The following CCDC141 variants were observed in gnomAD, a reference collection of about 807,000 sequenced individuals.
The protein encoded by CCDC141 is coiled-coil domain-containing protein 141.
A neutral mutation model predicts 181.0 loss-of-function variants in CCDC141; 168 were observed. The observed-to-expected ratio is 0.93, with a 90% CI of 0.82 to 1.05. The LOEUF (loss-of-function observed/expected upper bound fraction) is 1.05. Among genes scored for constraint, CCDC141 ranks in the 50% least tolerant of loss-of-function variants. The probability of loss-of-function intolerance (pLI) is 0.00; values close to 1 mark genes in which losing one functional copy is unlikely to be tolerated. For synonymous variants in CCDC141, 666 were observed against 642.3 expected (o/e 1.04, Z -0.56); for missense variants, 1,902 against 1,788.5 (o/e 1.06, Z -1.14).
chr2:179,045,635 A>G (rs200791732), intron 2 of CCDC141, among the ~76,000 whole-genome samples: 1 of 151,578 alleles, frequency 6.6e-6, no homozygotes, highest in Non-Finnish European at 1.5e-5. Flanking sequence ...CCAACAGTGT[A>G]AAAGTGTTCC....
intron 2 of CCDC141, among the ~76,000 whole-genome samples, chr2:179,032,107 T>C (rs2043016000): frequency 6.6e-6 from 1 of 152,140 alleles, no homozygotes; most frequent in Non-Finnish European, 1.5e-5. Flanking sequence ...GCCTGAAATT[T>C]GTACCCTGGA....
intron 5 of CCDC141, among the ~76,000 whole-genome samples, chr2:178,948,171 A>G (rs532691821): frequency 1.3e-5 from 2 of 152,184 alleles, no homozygotes; most frequent in East Asian, 3.9e-4. Flanking sequence ...ACTGCACTCC[A>G]GCTTGGGCAA....
chr2:178,851,992 C>T (rs759750660), intron 20 of CCDC141, among the ~76,000 whole-genome samples: 7 of 152,178 alleles, frequency 4.6e-5, no homozygotes, highest in African/African-American at 1.4e-4. Context: ...ACCAAACAGA[C>T]GGAGACTCAT....
chr2:178,878,203 AG>A, intron 11 of CCDC141, 60 bp from the exon 12 acceptor site: 5 of 1,120,032 alleles, frequency 4.5e-6, no homozygotes, highest in Middle Eastern at 2.1e-4. Context: ...GAAAAAGAAC[AG>A]TAGATTCCAA....
chr2:179,035,071 C>G (rs919827668), intron 2 of CCDC141, among the ~76,000 whole-genome samples: 6 of 152,102 alleles, frequency 3.9e-5, no homozygotes, highest in Non-Finnish European at 7.4e-5. Context: ...CTATTTTCCA[C>G]AATATACCCA....
At chr2:178,839,082 C>T (rs1026354027) in intron 22 of CCDC141, among the ~76,000 whole-genome samples, 3 of 152,004 alleles carry the variant, frequency 2.0e-5, no homozygotes, top group Non-Finnish European at 4.4e-5. Context: ...CATTTTAGCC[C>T]GTAGTCCTGC....
At chr2:178,884,129 AGTTT>A (rs530527566) in intron 11 of CCDC141, among the ~76,000 whole-genome samples, 208 of 152,032 alleles carry the variant, frequency 1.4e-3, no homozygotes, top group African/African-American at 3.5e-3. Flanking sequence ...CAATATAACC[AGTTT>A]GTTTATTTGT....
At chr2:179,026,918 C>T (rs1207064028) in intron 2 of CCDC141, among the ~76,000 whole-genome samples, 1 of 152,154 alleles carries the variant, frequency 6.6e-6, no homozygotes, top group South Asian at 2.1e-4. Flanking sequence ...GCCTATAGCC[C>T]CTTTGTTTTG....
chr2:178,930,291 A>G (rs879550082), intron 6 of CCDC141, among the ~76,000 whole-genome samples: 2 of 152,134 alleles, frequency 1.3e-5, no homozygotes, highest in Admixed American at 6.5e-5. Context: ...ATTACAAAAC[A>G]TTGTTAAAAA....
At chr2:178,821,104 C>T in the CCDC141 span, among the ~76,000 whole-genome samples, 37 of 131,714 alleles carry the variant, frequency 2.8e-4, no homozygotes, top group Non-Finnish European at 4.9e-4. Context: ...CATCAACTAG[C>T]TATATTCCCA....
chr2:178,828,048 T>G (rs116594988), downstream of CCDC141, among the ~76,000 whole-genome samples: 519 of 152,226 alleles, frequency 3.4e-3, 4 homozygotes, highest in Non-Finnish European at 3.7e-3. Context: ...CTCCTCCCTG[T>G]GTGTCTCCTC....
At position 178,985,199 on chromosome 2, in the gene CCDC141, C is replaced by A. The variant is rs970412139; in HGVS notation, c.226-6524G>T. ...GCTCAACGACATGGAAACTGAAGAACCTGCTCCTGAATGACTACTGGGTAC... is the reference window on the plus strand; with the variant it reads ...GCTCAACGACATGGAAACTGAAGAAACTGCTCCTGAATGACTACTGGGTAC... On this transcript the variant is annotated intron_variant, in intron 2 of 23. Transcript: ENST00000443758. Among the ~76,000 whole-genome samples, 287 of 151,560 alleles carry A rather than the reference C, an allele frequency of 1.9e-3. 2 individuals are homozygous for A. Among genetic ancestry groups the A allele is most frequent in the African/African-American group, 6.7e-3 (278 of 41,460 alleles).
chr2:178,942,046 A>C (rs908902321), intron 6 of CCDC141, among the ~76,000 whole-genome samples: 1 of 149,432 alleles, frequency 6.7e-6, no homozygotes, highest in South Asian at 2.2e-4. Flanking sequence ...GTAGAGAAAT[A>C]GGTTTCTATG....
intron 7 of CCDC141, among the ~76,000 whole-genome samples, chr2:178,906,276 A>T (rs1687965610): frequency 6.6e-6 from 1 of 152,190 alleles, no homozygotes; most frequent in East Asian, 1.9e-4. Context: ...TTAACATAAA[A>T]TAGAGAGGAG....
chr2:178,940,195 C>T (rs1689450561), intron 6 of CCDC141, among the ~76,000 whole-genome samples: 2 of 151,838 alleles, frequency 1.3e-5, no homozygotes, highest in South Asian at 2.1e-4. Flanking sequence ...AGAATGAGTG[C>T]TCTATAAGAT....
At chr2:178,962,435 C>G (rs1690446966) in intron 4 of CCDC141, among the ~76,000 whole-genome samples, 2 of 152,186 alleles carry the variant, frequency 1.3e-5, no homozygotes, top group African/African-American at 4.8e-5. Context: ...TCTCTGGCAT[C>G]TGTCTACTTC....
chr2:179,003,395 C>T (rs1275953450), intron 2 of CCDC141, among the ~76,000 whole-genome samples: 1 of 152,180 alleles, frequency 6.6e-6, no homozygotes, highest in African/African-American at 2.4e-5. Flanking sequence ...TAGCTCTGCA[C>T]ATTTTATAAA....
intron 21 of CCDC141, among the ~76,000 whole-genome samples, chr2:178,848,523 G>T (rs1271865643): frequency 6.6e-6 from 1 of 152,202 alleles, no homozygotes; most frequent in East Asian, 1.9e-4. Flanking sequence ...TACACTGAGG[G>T]TGTAAGGAAT....
chr2:179,009,965 A>G (rs922401031), intron 2 of CCDC141, among the ~76,000 whole-genome samples: 2 of 152,306 alleles, frequency 1.3e-5, no homozygotes, highest in Admixed American at 1.3e-4. Context: ...ATAATCAAAC[A>G]TTCAGGAAAC....
Sources: gnomAD v4.1 joint callset for allele counts (sites outside exome capture counted in the v4.1 genomes callset) on GRCh38, gnomAD v4.1.1 for gene constraint, MANE v1.5 for transcripts, NCBI Gene and HGNC (gene_info 2026-07-23, HGNC 2026-07-21) for gene names.